The following TMEM117 variants were observed in gnomAD, a reference collection of about 807,000 sequenced individuals.
TMEM117 encodes transmembrane protein 117.
TMEM117 carries 27 observed loss-of-function variants against 52.4 expected under a neutral mutation model. The observed-to-expected ratio is 0.51, with a 90% CI of 0.38 to 0.71. The LOEUF is 0.71. Among genes scored for constraint, TMEM117 ranks in the 30% least tolerant of loss-of-function variants. TMEM117 has a pLI of 0.00. For synonymous variants in TMEM117, 215 were observed against 206.3 expected (o/e 1.04, Z -0.36); for missense variants, 556 against 630.5 (o/e 0.88, Z 1.26).
chr12:44,033,799 T>G (rs1034303612), intron 3 of TMEM117, among the ~76,000 whole-genome samples: 4 of 152,256 alleles, frequency 2.6e-5, no homozygotes, highest in African/African-American at 9.6e-5. Context: ...ATGCTTTTAA[T>G]ATAATGTGCC....
At chr12:44,257,842 G>A (rs114751247) in intron 5 of TMEM117, among the ~76,000 whole-genome samples, 3,858 of 152,120 alleles carry the variant, frequency 0.025, 173 homozygotes, top group African/African-American at 0.088. Context: ...TTTAAATAAA[G>A]TATATATTAT....
At chr12:44,066,083 G>T (rs142373252) in intron 3 of TMEM117, among the ~76,000 whole-genome samples, 1 of 152,156 alleles carries the variant, frequency 6.6e-6, no homozygotes, top group Non-Finnish European at 1.5e-5. Flanking sequence ...TAGAAATGAG[G>T]TACAGAAACA....
intron 2 of TMEM117, among the ~76,000 whole-genome samples, chr12:43,940,676 G>C (rs1480364103): frequency 6.6e-6 from 1 of 151,994 alleles, no homozygotes; most frequent in African/African-American, 2.4e-5. Context: ...CAAGTAGCTA[G>C]GATTACAGGC....
intron 3 of TMEM117, among the ~76,000 whole-genome samples, chr12:43,964,676 A>G (rs1945456687): frequency 6.6e-6 from 1 of 152,216 alleles, no homozygotes; most frequent in Non-Finnish European, 1.5e-5. Context: ...AATCTATTTC[A>G]TGAGGAAGGT....
At chr12:44,185,028 G>T (rs1249453918) in intron 4 of TMEM117, among the ~76,000 whole-genome samples, 1 of 152,098 alleles carries the variant, frequency 6.6e-6, no homozygotes, top group Non-Finnish European at 1.5e-5. Flanking sequence ...CCTCTTTCAG[G>T]AAGCTTCCCT....
chr12:44,360,315 C>T (rs1258110222), intron 6 of TMEM117, among the ~76,000 whole-genome samples: 3 of 152,094 alleles, frequency 2.0e-5, no homozygotes, highest in Non-Finnish European at 4.4e-5. Flanking sequence ...CGCAGTGGCT[C>T]ATGCCTGTAA....
the TMEM117 span, among the ~76,000 whole-genome samples, chr12:43,812,075 A>G: frequency 1.3e-5 from 2 of 152,136 alleles, no homozygotes; most frequent in East Asian, 1.9e-4. Flanking sequence ...AGTATTCACC[A>G]TCTGCAAAAA....
At chr12:44,225,863 C>T (rs548703669) in intron 5 of TMEM117, among the ~76,000 whole-genome samples, 4 of 152,266 alleles carry the variant, frequency 2.6e-5, no homozygotes, top group Admixed American at 6.5e-5. Context: ...AGGAAGGGTA[C>T]TAACATCTCT....
intron 4 of TMEM117, among the ~76,000 whole-genome samples, chr12:44,147,931 CAAAAAAA>C (rs61271123): frequency 0.011 from 670 of 61,820 alleles, 3 homozygotes; most frequent in Middle Eastern, 0.02. Flanking sequence ...GACTCTGTCT[CAAAAAAA>C]AAAAAAAAAA....
intron 2 of TMEM117, among the ~76,000 whole-genome samples, chr12:43,940,547 CT>C (rs200692140): frequency 2.4e-4 from 36 of 147,386 alleles, no homozygotes; most frequent in Middle Eastern, 3.6e-3. Context: ...TTTATATACA[CT>C]TTTTTTTTTT....
At chr12:44,247,556 T>G (rs1453543304) in intron 5 of TMEM117, among the ~76,000 whole-genome samples, 2 of 152,204 alleles carry the variant, frequency 1.3e-5, no homozygotes, top group Non-Finnish European at 2.9e-5. Flanking sequence ...CTTTAAACAT[T>G]TATCCTTTCT....
In TMEM117 at chr12:44,249,770, G is replaced by C. The variant is rs138955151; in HGVS notation, c.608+38383G>C. Among the ~76,000 whole-genome samples the C allele has an allele frequency of 3.9e-5, 6 of 152,244 alleles. No individual in the cohort carries two copies. In the East Asian group the frequency reaches 1.2e-3, roughly 29 times the overall value. ...GATTCTCTATTTAATAAATGGTGCT[G>C]GGTAAACTGGCTAGCCATATGCAGA... On this transcript the variant is annotated intron_variant, in intron 5 of 7. Coordinates refer to ENST00000266534, the MANE Select transcript of TMEM117 (RefSeq NM_032256.3).
intron 4 of TMEM117, among the ~76,000 whole-genome samples, chr12:44,146,490 T>C (rs1301500688): frequency 6.6e-6 from 1 of 152,186 alleles, no homozygotes; most frequent in Non-Finnish European, 1.5e-5. Flanking sequence ...TGCTATGTTA[T>C]ATGAAACATT....
At chr12:44,197,063 A>G (rs1269849164) in intron 4 of TMEM117, among the ~76,000 whole-genome samples, 1 of 152,180 alleles carries the variant, frequency 6.6e-6, no homozygotes, top group African/African-American at 2.4e-5. Context: ...CAGGCTACCT[A>G]GTGGTGCAGG....
upstream of TMEM117, chr12:43,835,861 G>A (rs1015786662): frequency 2.6e-5 from 4 of 152,056 alleles, no homozygotes; most frequent in African/African-American, 9.7e-5. Flanking sequence ...CAGGGGCGGG[G>A]AGAAGCCATG....
At chr12:44,186,720 A>G (rs1051727459) in intron 4 of TMEM117, among the ~76,000 whole-genome samples, 4 of 152,088 alleles carry the variant, frequency 2.6e-5, no homozygotes, top group African/African-American at 9.7e-5. Flanking sequence ...CTACCTTAGC[A>G]CTCTTCACTT....
At chr12:43,906,649 G>A (rs1262395666) in intron 2 of TMEM117, among the ~76,000 whole-genome samples, 3 of 152,318 alleles carry the variant, frequency 2.0e-5, no homozygotes, top group South Asian at 2.1e-4. Context: ...CACCATGCAC[G>A]AGCCAAAGCA....
At chr12:44,078,594 T>A (rs142662416) in intron 3 of TMEM117, among the ~76,000 whole-genome samples, 56 of 152,350 alleles carry the variant, frequency 3.7e-4, no homozygotes, top group African/African-American at 1.2e-3. Flanking sequence ...TTTACATGTT[T>A]ACATTTCAAT....
rs560707190 is a variant in TMEM117, at chr12:43,994,539, T to A, written c.410+50197T>A. 1.2e-4 allele frequency among the ~76,000 whole-genome samples: 19 copies of A among 152,274 alleles called. 1 individual carries two copies. The East Asian group carries it at 2.1e-3, about 17-fold the overall frequency. On this transcript the variant is annotated intron_variant, in intron 3 of 7. Transcript: ENST00000266534. Reference sequence around the variant, plus strand: ...CAGAGATTGGAAAGCAAAACAAACATGCAAATAAACAACATCAACAAAACA... The same window carrying A: ...CAGAGATTGGAAAGCAAAACAAACAAGCAAATAAACAACATCAACAAAACA...
Sources: gnomAD v4.1 joint callset for allele counts (sites outside exome capture counted in the v4.1 genomes callset) on GRCh38, gnomAD v4.1.1 for gene constraint, MANE v1.5 for transcripts, NCBI Gene and HGNC (gene_info 2026-07-23, HGNC 2026-07-21) for gene names.